KCNU1: variants seen among roughly 807,000 people sequenced by gnomAD.
KCNU1 encodes potassium channel subfamily U member 1.
KCNU1 carries 93 observed loss-of-function variants against 126.8 expected under a neutral mutation model. The ratio of observed to expected loss-of-function variants is 0.73; its 90% CI spans 0.62 to 0.87. The LOEUF is 0.87. KCNU1 is among the 40% of genes least tolerant of loss of function. The pLI, the probability that KCNU1 is intolerant of heterozygous loss-of-function variation, is 0.00. For synonymous variants in KCNU1, 523 were observed against 494.2 expected, an observed-to-expected ratio of 1.06 and a Z score of -0.77; for missense variants, 1,330 against 1,367.1, an observed-to-expected ratio of 0.97 and a Z score of 0.43.
chr8:36,889,757 A>G (rs1806881480), intron 19 of KCNU1, among the ~76,000 whole-genome samples: 1 of 152,044 alleles, frequency 6.6e-6, no homozygotes, highest in Admixed American at 6.6e-5. Context: ...ATGCCAACCC[A>G]CAGACCTGGA....
At chr8:36,875,178 T>C (rs1404208663) in intron 19 of KCNU1, among the ~76,000 whole-genome samples, 1 of 152,018 alleles carries the variant, frequency 6.6e-6, no homozygotes, top group East Asian at 1.9e-4. Flanking sequence ...ATGGAAGAAA[T>C]ATTTTAATGC....
intron 4 of KCNU1, among the ~76,000 whole-genome samples, chr8:36,805,620 G>T (rs1803470637): frequency 6.6e-6 from 1 of 152,102 alleles, no homozygotes; most frequent in African/African-American, 2.4e-5. Flanking sequence ...GATGTCCTTA[G>T]CTCCACTGGT....
intron 19 of KCNU1, among the ~76,000 whole-genome samples, chr8:36,874,390 A>G (rs1222569832): frequency 6.6e-6 from 1 of 152,210 alleles, no homozygotes; most frequent in Non-Finnish European, 1.5e-5. Flanking sequence ...TTATGTAAAG[A>G]TAAGAAATAA....
chr8:36,910,783 T>A, intron 21 of KCNU1, 147 bp from the exon 22 acceptor site: 1 of 543,030 alleles, frequency 1.8e-6, no homozygotes, highest in South Asian at 3.0e-5. Flanking sequence ...GTGTCAGATA[T>A]GAGGTAACTA....
chr8:36,839,789 G>T (rs1345740660), intron 14 of KCNU1, among the ~76,000 whole-genome samples: 2 of 152,218 alleles, frequency 1.3e-5, no homozygotes, highest in Non-Finnish European at 2.9e-5. Context: ...TCTCATGGCA[G>T]TAGGTGGAGA....
chr8:36,930,635 A>C (rs1406862352), intron 24 of KCNU1, among the ~76,000 whole-genome samples: 1 of 152,128 alleles, frequency 6.6e-6, no homozygotes, highest in African/African-American at 2.4e-5. Flanking sequence ...CCTGACATGT[A>C]TACCCCCTCT....
intron 24 of KCNU1, among the ~76,000 whole-genome samples, chr8:36,929,519 TA>T: frequency 6.6e-6 from 1 of 151,622 alleles, no homozygotes; most frequent in East Asian, 1.9e-4. Context: ...CAACTAACTG[TA>T]AAAAACTGTA....
At chr8:36,813,939 C>T (rs564614500) in intron 7 of KCNU1, among the ~76,000 whole-genome samples, 55 of 152,242 alleles carry the variant, frequency 3.6e-4, no homozygotes, top group Admixed American at 2.3e-3. Context: ...GCATCTGTCC[C>T]CGGTGGAGCT....
At chr8:36,872,293 A>G (rs1806130291) in intron 19 of KCNU1, among the ~76,000 whole-genome samples, 1 of 152,198 alleles carries the variant, frequency 6.6e-6, no homozygotes, top group Non-Finnish European at 1.5e-5. Context: ...GTGTCAACGT[A>G]TAGGGGAGGT....
intron 18 of KCNU1, among the ~76,000 whole-genome samples, chr8:36,858,292 A>G (rs1226509012): frequency 6.6e-6 from 1 of 150,828 alleles, no homozygotes; most frequent in Non-Finnish European, 1.5e-5. Flanking sequence ...GAATCTGAAG[A>G]TTATTTTTTT....
chr8:36,854,518 G>A (rs1276752350), intron 18 of KCNU1, among the ~76,000 whole-genome samples: 1 of 102,274 alleles, frequency 9.8e-6, no homozygotes, highest in African/African-American at 3.7e-5. Flanking sequence ...AGTTCCTCTT[G>A]TAAAGTTTTT....
rs1343045301 is a variant in KCNU1, at chr8:36,935,505, T to A, written c.3045-10T>A. ...AGAACCTCAGCATTTATCTTTGACT[T>A]GTCTTACAGGTTTGTGATCACCCGG... On this transcript the variant is annotated splice_polypyrimidine_tract_variant and intron_variant, in intron 26 of 26. Transcript: ENST00000399881. 1 of 1,567,104 alleles carries A rather than the reference T, an allele frequency of 6.4e-7. No homozygotes were observed. The highest frequency in any genetic ancestry group is 1.2e-5 in the South Asian group (1 of 82,364).
Position 36,909,484 on chromosome 8 carries a change from A to G in KCNU1, c.2280A>G (p.Leu760=). The G allele has an allele frequency of 2.5e-6, 4 of 1,613,140 alleles. No homozygotes were observed. Among genetic ancestry groups the G allele is most frequent in the East Asian group, 2.2e-5 (1 of 44,866 alleles). ...DIVFIGSLDY[L]QREWRFLWNF... ...TGTTCATTGGGTCTCTGGACTATCTACAGAGAGAATGGCGATTTCTCTGGA... is the reference window on the plus strand; with the variant it reads ...TGTTCATTGGGTCTCTGGACTATCTGCAGAGAGAATGGCGATTTCTCTGGA... The change falls in exon 21 of 27, where the codon CTA becomes CTG. Residue 760 remains leucine, a synonymous_variant. Transcript: ENST00000399881.
At chr8:36,818,900 A>G (rs984008322) in intron 10 of KCNU1, among the ~76,000 whole-genome samples, 8 of 152,204 alleles carry the variant, frequency 5.3e-5, no homozygotes, top group Admixed American at 6.6e-5. Context: ...CTTTCTAGCA[A>G]TCTGTGCACT....
At chr8:36,838,971 A>C (rs1585439713) in intron 14 of KCNU1, among the ~76,000 whole-genome samples, 1 of 152,174 alleles carries the variant, frequency 6.6e-6, no homozygotes, top group South Asian at 2.1e-4. Flanking sequence ...CTGGGACTCC[A>C]GAGTTTTATG....
rs1563291494 is a variant in KCNU1, at chr8:36,845,797, T to C, written c.1794-5T>C. On this transcript the variant is annotated splice_region_variant and splice_polypyrimidine_tract_variant and intron_variant, in intron 17 of 26. Transcript: ENST00000399881. Reference sequence around the variant, plus strand: ...ATTCATTCTTGGTTTTCTTTCATTGTCCAGAGCCTTGTTTTACTGTTCAGT... The same window carrying C: ...ATTCATTCTTGGTTTTCTTTCATTGCCCAGAGCCTTGTTTTACTGTTCAGT... 1 of 1,600,480 alleles carries C rather than the reference T, an allele frequency of 6.2e-7. No homozygotes were observed. Among genetic ancestry groups the C allele is most frequent in the Non-Finnish European group, 8.6e-7 (1 of 1,168,776 alleles).
intron 10 of KCNU1, among the ~76,000 whole-genome samples, chr8:36,823,229 T>C (rs1044957605): frequency 1.3e-5 from 2 of 152,168 alleles, no homozygotes; most frequent in Admixed American, 1.3e-4. Context: ...GACCATAAGT[T>C]ACACATCAAA....
chr8:36,850,814 C>T (rs190843921), intron 18 of KCNU1, among the ~76,000 whole-genome samples: 99 of 152,286 alleles, frequency 6.5e-4, no homozygotes, highest in African/African-American at 2.4e-3. Flanking sequence ...TCCAACTTTA[C>T]TCTTTTCATT....
intron 10 of KCNU1, among the ~76,000 whole-genome samples, chr8:36,830,446 C>A (rs915003875): frequency 3.9e-5 from 6 of 151,910 alleles, no homozygotes; most frequent in Non-Finnish European, 7.4e-5. Flanking sequence ...GTCTCTGCGT[C>A]TGAGGTGATT....
Sources: allele counts gnomAD v4.1 joint callset (sites outside exome capture counted in the v4.1 genomes callset), GRCh38; gene constraint gnomAD v4.1.1; transcripts MANE v1.5; gene names NCBI Gene and HGNC (gene_info 2026-07-23, HGNC 2026-07-21).